The following PRAG1 variants were observed in gnomAD, a reference collection of about 807,000 sequenced individuals.
The protein encoded by PRAG1 is inactive tyrosine-protein kinase PRAG1.
Under a neutral mutation model 95.6 loss-of-function variants are expected in PRAG1, and 110 were observed. The observed-to-expected ratio is 1.15, with a 90% CI of 0.99 to 1.35. The LOEUF is 1.35. Among genes scored for constraint, PRAG1 ranks in the 40% most tolerant of loss-of-function variants. The probability of loss-of-function intolerance (pLI) is 0.00; values close to 1 mark genes in which losing one functional copy is unlikely to be tolerated. For synonymous variants in PRAG1, 1,052 were observed against 819.4 expected, an observed-to-expected ratio of 1.28 and a Z score of -4.85; for missense variants, 2,554 against 1,864.7, an observed-to-expected ratio of 1.37 and a Z score of -6.81.
intron 5 of PRAG1, among the ~76,000 whole-genome samples, chr8:8,321,416 A>T (rs1798468965): frequency 6.6e-6 from 1 of 152,216 alleles, no homozygotes; most frequent in Non-Finnish European, 1.5e-5. Flanking sequence ...AGGCTTCTGG[A>T]GCACTATTAA....
intron 4 of PRAG1, among the ~76,000 whole-genome samples, chr8:8,337,276 G>A (rs1446216393): frequency 6.6e-6 from 1 of 152,174 alleles, no homozygotes; most frequent in Non-Finnish European, 1.5e-5. Context: ...AACTAAAGTT[G>A]CAATGGATAA....
chr8:8,320,702 A>C (rs1374354918), intron 5 of PRAG1, among the ~76,000 whole-genome samples: 1 of 152,012 alleles, frequency 6.6e-6, no homozygotes, highest in Non-Finnish European at 1.5e-5. Flanking sequence ...TCCTGCAAAC[A>C]CTCCTAAAAT....
At position 8,319,417 on chromosome 8, in the gene PRAG1, G is replaced by A. The variant is rs566440157; in HGVS notation, c.3073-115C>T. 37 of 782,928 alleles carry A rather than the reference G, an allele frequency of 4.7e-5. 1 individual carries two copies. In the South Asian group the frequency reaches 1.2e-3, roughly 25 times the overall value. The allele number at this position is 782,928 out of a possible 1,614,324, so 48.5% of individuals were successfully genotyped here. Reference sequence around the variant, plus strand: ...TAAGCCTATCCACATAGGCTTAAGGGTAAGAGCAATCCATACACATGCTAG... The same window carrying A: ...TAAGCCTATCCACATAGGCTTAAGGATAAGAGCAATCCATACACATGCTAG... On this transcript the variant is annotated intron_variant, in intron 5 of 5. Coordinates refer to ENST00000615670, the MANE Select transcript of PRAG1 (RefSeq NM_001080826.3).
intron 3 of PRAG1, among the ~76,000 whole-genome samples, chr8:8,359,918 G>T (rs1335924282): frequency 6.6e-6 from 1 of 152,088 alleles, no homozygotes; most frequent in East Asian, 1.9e-4. Context: ...TATACAAGTC[G>T]ATTGATCTTG....
At chr8:8,384,362 G>C (rs111990436) in intron 1 of PRAG1, among the ~76,000 whole-genome samples, 21 of 152,142 alleles carry the variant, frequency 1.4e-4, no homozygotes, top group African/African-American at 5.1e-4. Context: ...GTTTCCTTGA[G>C]AATGTCTCAT....
intron 4 of PRAG1, among the ~76,000 whole-genome samples, chr8:8,336,911 C>G (rs1413351050): frequency 2.6e-5 from 2 of 77,412 alleles, no homozygotes; most frequent in African/African-American, 1.1e-4. Context: ...ACCCCTTTCC[C>G]CCCTCCCCCC....
At chr8:8,364,390 G>A (rs1383065660) in intron 3 of PRAG1, among the ~76,000 whole-genome samples, 3 of 152,042 alleles carry the variant, frequency 2.0e-5, no homozygotes, top group Non-Finnish European at 4.4e-5. Context: ...TGAATTACAA[G>A]AGCACCTTAC....
At chr8:8,382,210 G>C (rs78111172) in intron 1 of PRAG1, among the ~76,000 whole-genome samples, 1 of 152,130 alleles carries the variant, frequency 6.6e-6, no homozygotes, top group East Asian at 1.9e-4. Context: ...CCCTGACACC[G>C]GGGCCTAGAG....
chr8:8,347,583 C>T (rs1413335441), intron 3 of PRAG1, among the ~76,000 whole-genome samples: 4 of 151,062 alleles, frequency 2.6e-5, no homozygotes, highest in African/African-American at 7.3e-5. Flanking sequence ...TGGATAAGAA[C>T]ACTCTGTTTT....
intron 3 of PRAG1, among the ~76,000 whole-genome samples, chr8:8,341,501 A>G (rs1161470510): frequency 2.6e-5 from 4 of 152,184 alleles, no homozygotes; most frequent in African/African-American, 4.8e-5. Flanking sequence ...TTATCAGGCT[A>G]AGGATGTTTA....
intron 3 of PRAG1, among the ~76,000 whole-genome samples, chr8:8,371,427 A>AT (rs1287352891): frequency 5.3e-5 from 8 of 151,752 alleles, no homozygotes; most frequent in Non-Finnish European, 8.8e-5. Context: ...CGCCTGGCTA[A>AT]TTTTTTGTAT....
intron 3 of PRAG1, among the ~76,000 whole-genome samples, chr8:8,367,714 T>A (rs1042763161): frequency 6.6e-6 from 1 of 151,792 alleles, no homozygotes; most frequent in African/African-American, 2.4e-5. Context: ...TGATCTCAGC[T>A]CACTGCAAGC....
chr8:8,375,776 C>A (rs973958994), intron 3 of PRAG1, among the ~76,000 whole-genome samples: 1 of 151,932 alleles, frequency 6.6e-6, no homozygotes, highest in East Asian at 1.9e-4. Flanking sequence ...CCTCCTGCTT[C>A]GGCCTCCCAA....
chr8:8,383,573 C>T (rs534748289), intron 1 of PRAG1, among the ~76,000 whole-genome samples: 1 of 151,970 alleles, frequency 6.6e-6, no homozygotes, highest in South Asian at 2.1e-4. Context: ...TAGAGTGAGA[C>T]CCTGTCTAAA....
chr8:8,368,976 A>C (rs762631801), intron 3 of PRAG1, among the ~76,000 whole-genome samples: 1 of 152,066 alleles, frequency 6.6e-6, no homozygotes, highest in Admixed American at 6.6e-5. Context: ...TGAAATGTAC[A>C]ATCATTGGAG....
chr8:8,332,782 A>C (rs951951166), intron 4 of PRAG1, among the ~76,000 whole-genome samples: 2 of 152,250 alleles, frequency 1.3e-5, no homozygotes, highest in Admixed American at 1.3e-4. Context: ...GCTGTCTTCT[A>C]TGGAATCTAA....
intron 3 of PRAG1, among the ~76,000 whole-genome samples, chr8:8,343,176 T>C (rs2116845633): frequency 6.6e-6 from 1 of 152,224 alleles, no homozygotes; most frequent in South Asian, 2.1e-4. Flanking sequence ...GATCAGATTG[T>C]AAATAAAACA....
At chr8:8,332,570 C>T (rs986437831) in intron 4 of PRAG1, among the ~76,000 whole-genome samples, 15 of 152,082 alleles carry the variant, frequency 9.9e-5, no homozygotes, top group Non-Finnish European at 2.2e-4. Context: ...TTAAAGCTCT[C>T]CAGGTGTGGA....
chr8:8,379,433 TAA>T (rs1450494547), intron 2 of PRAG1, among the ~76,000 whole-genome samples: 22 of 152,144 alleles, frequency 1.4e-4, no homozygotes, highest in Admixed American at 1.4e-3. Context: ...ATTCTGAGCT[TAA>T]AGAGTCCCTG....
Sources: gnomAD v4.1 joint callset for allele counts (sites outside exome capture counted in the v4.1 genomes callset) on GRCh38, gnomAD v4.1.1 for gene constraint, MANE v1.5 for transcripts, NCBI Gene and HGNC (gene_info 2026-07-23, HGNC 2026-07-21) for gene names.